CNIH3: variants seen among roughly 807,000 people sequenced by gnomAD.
The protein encoded by CNIH3 is cornichon family AMPA receptor auxiliary protein 3.
In CNIH3, 14 loss-of-function variants were observed where a neutral mutation model predicts 24.1. That is an observed-to-expected ratio of 0.58 (90% CI 0.38 to 0.91). The LOEUF (loss-of-function observed/expected upper bound fraction) is 0.91, where lower values mean the gene tolerates loss of function less well. Among genes scored for constraint, CNIH3 ranks in the 40% least tolerant of loss-of-function variants. CNIH3 has a pLI of 0.00. For synonymous variants in CNIH3, 68 were observed against 73.8 expected (o/e 0.92, Z 0.40); for missense variants, 178 against 196.8 (o/e 0.90, Z 0.57).
At chr1:224,655,550 C>T (rs1685057636) in intron 1 of CNIH3, among the ~76,000 whole-genome samples, 1 of 152,136 alleles carries the variant, frequency 6.6e-6, no homozygotes. Flanking sequence ...GTGTAGTGGG[C>T]CTTCAAGCTA....
At chr1:224,628,353 G>C (rs1427013778) in intron 1 of CNIH3, among the ~76,000 whole-genome samples, 1 of 152,042 alleles carries the variant, frequency 6.6e-6, no homozygotes, top group African/African-American at 2.4e-5. Context: ...CATTCACATT[G>C]TTTTATAACC....
At chr1:224,699,986 G>T (rs886910495) in intron 3 of CNIH3, among the ~76,000 whole-genome samples, 3 of 152,122 alleles carry the variant, frequency 2.0e-5, no homozygotes, top group African/African-American at 4.8e-5. Flanking sequence ...CGGTTATCTT[G>T]TCTGGCCCAC....
intron 3 of CNIH3, among the ~76,000 whole-genome samples, chr1:224,721,566 C>T (rs931161847): frequency 6.6e-6 from 1 of 152,196 alleles, no homozygotes; most frequent in South Asian, 2.1e-4. Flanking sequence ...AGTAATTTAA[C>T]AAGCGTGTGA....
intron 1 of CNIH3, among the ~76,000 whole-genome samples, chr1:224,632,953 C>T (rs564909784): frequency 6.6e-6 from 1 of 152,226 alleles, no homozygotes; most frequent in Admixed American, 6.5e-5. Flanking sequence ...CCTGCATCCC[C>T]CTGGACCTTT....
chr1:224,623,615 A>C (rs1179617678), intron 1 of CNIH3, among the ~76,000 whole-genome samples: 1 of 151,972 alleles, frequency 6.6e-6, no homozygotes, highest in Non-Finnish European at 1.5e-5. Context: ...AGATGACTTT[A>C]ATTCCAGCTC....
intron 1 of CNIH3, among the ~76,000 whole-genome samples, chr1:224,500,650 T>C (rs1293916526): frequency 6.7e-6 from 1 of 150,230 alleles, no homozygotes; most frequent in East Asian, 2.0e-4. Flanking sequence ...TCCAACCTGC[T>C]GGGCGACAGA....
At chr1:224,720,304 T>C (rs1363360220) in intron 3 of CNIH3, among the ~76,000 whole-genome samples, 1 of 151,550 alleles carries the variant, frequency 6.6e-6, no homozygotes, top group Non-Finnish European at 1.5e-5. Context: ...ATGGTGCTGC[T>C]GAAGACTCAG....
intron 1 of CNIH3, among the ~76,000 whole-genome samples, chr1:224,500,150 T>C (rs61825792): frequency 0.8 from 121,508 of 151,344 alleles, 48,863 homozygotes; most frequent in Middle Eastern, 0.91. Context: ...ACTACAGGCC[T>C]GCACCATCAA....
chr1:224,635,033 GTAATT>G (rs1256004402), intron 1 of CNIH3, among the ~76,000 whole-genome samples: 1 of 152,176 alleles, frequency 6.6e-6, no homozygotes, highest in African/African-American at 2.4e-5. Flanking sequence ...CTGAGACTGG[GTAATT>G]TATAAAGAAC....
At chr1:224,637,454 C>A (rs965868160) in intron 1 of CNIH3, among the ~76,000 whole-genome samples, 3 of 140,872 alleles carry the variant, frequency 2.1e-5, no homozygotes, top group Non-Finnish European at 3.0e-5. Context: ...AAAACAGTTG[C>A]TTCAGCCTCC....
intron 1 of CNIH3, among the ~76,000 whole-genome samples, chr1:224,621,955 T>C (rs1683303432): frequency 6.6e-6 from 1 of 152,096 alleles, no homozygotes. Context: ...TCTCATGAGA[T>C]CTGATGGTTT....
intron 1 of CNIH3, among the ~76,000 whole-genome samples, chr1:224,475,983 A>G (rs942300176): frequency 2.0e-5 from 3 of 152,264 alleles, no homozygotes; most frequent in Non-Finnish European, 2.9e-5. Flanking sequence ...AACAGAATGA[A>G]GGACAAAAAC....
intron 5 of CNIH3, among the ~76,000 whole-genome samples, chr1:224,736,419 C>T (rs1265900378): frequency 6.6e-6 from 1 of 152,220 alleles, no homozygotes. Flanking sequence ...AGCCACCGTG[C>T]CCAGTAGCTC....
chr1:224,463,773 A>ATTTTTTTTTTTTTTTTTTTTTT lies in CNIH3; in HGVS notation n.203+28926_203+28947dup, dbSNP rs56137320. On this transcript the variant is annotated intron_variant and non_coding_transcript_variant, in intron 1 of 5. Transcript: ENST00000471578. ...TTCTCCCAGCTTATGAATTGTCCTC[A>ATTTTTTTTTTTTTTTTTTTTTT]TTTTTTTTTTTTTTTTTTTTTTTTT... 2.9e-4 allele frequency among the ~76,000 whole-genome samples: 6 copies of ATTTTTTTTTTTTTTTTTTTTTT among 20,706 alleles called. 1 individual carries two copies. Among genetic ancestry groups the ATTTTTTTTTTTTTTTTTTTTTT allele is most frequent in the African/African-American group, 5.1e-4 (2 of 3,896 alleles). The allele number at this position is 20,706 out of a possible 152,430, so 13.6% of individuals were successfully genotyped here. A position where few individuals can be genotyped will look rare whatever the true frequency, so the allele number is the denominator to read the frequency against.
intron 2 of CNIH3, among the ~76,000 whole-genome samples, chr1:224,532,365 T>A (rs539311847): frequency 2.6e-5 from 4 of 152,092 alleles, no homozygotes; most frequent in Non-Finnish European, 4.4e-5. Flanking sequence ...TGGGGGAGCC[T>A]GTGGAAGGTT....
chr1:224,461,789 G>A (rs1036880728), intron 1 of CNIH3, among the ~76,000 whole-genome samples: 1 of 152,134 alleles, frequency 6.6e-6, no homozygotes, highest in African/African-American at 2.4e-5. Flanking sequence ...TCAATTAGCA[G>A]TCATTTCCCA....
At chr1:224,460,040 C>A (rs1191164788) in intron 1 of CNIH3, among the ~76,000 whole-genome samples, 1 of 151,986 alleles carries the variant, frequency 6.6e-6, no homozygotes, top group Non-Finnish European at 1.5e-5. Flanking sequence ...CTACACCTGT[C>A]TAACTTTTGT....
At chr1:224,588,951 C>G (rs897044532), downstream of CNIH3, among the ~76,000 whole-genome samples, 2 of 144,888 alleles carry the variant, frequency 1.4e-5, no homozygotes, top group South Asian at 4.4e-4. Context: ...AAGCTACTAC[C>G]TTCTTCCTGA....
chr1:224,627,120 G>A (rs1416672620), intron 1 of CNIH3, among the ~76,000 whole-genome samples: 1 of 152,178 alleles, frequency 6.6e-6, no homozygotes, highest in African/African-American at 2.4e-5. Context: ...GACACGTGTT[G>A]AGCGCATGAC....
Sources: gnomAD v4.1 joint callset for allele counts (sites outside exome capture counted in the v4.1 genomes callset) on GRCh38, gnomAD v4.1.1 for gene constraint, MANE v1.5 for transcripts, NCBI Gene and HGNC (gene_info 2026-07-23, HGNC 2026-07-21) for gene names.